GNAI1: variants seen among roughly 807,000 people sequenced by gnomAD.
GNAI1 encodes G protein subunit alpha i1, also known as guanine nucleotide-binding protein G(i) subunit alpha-1.
Under a neutral mutation model 38.9 loss-of-function variants are expected in GNAI1, and 11 were observed. That is an observed-to-expected ratio of 0.28 (90% confidence interval 0.18 to 0.47). The LOEUF (loss-of-function observed/expected upper bound fraction) is 0.47. Ranked by LOEUF, GNAI1 falls within the 20% of genes least tolerant of loss-of-function variation. The pLI is 0.99. For synonymous variants in GNAI1, 166 were observed against 145.1 expected (o/e 1.14, Z -1.04); for missense variants, 317 against 436.9 (o/e 0.73, Z 2.45).
chr7:80,152,504 G>C (rs1055660112), intron 1 of GNAI1, among the ~76,000 whole-genome samples: 5 of 151,784 alleles, frequency 3.3e-5, no homozygotes, highest in Non-Finnish European at 7.4e-5. Context: ...TTACAAAAAC[G>C]GGTTAAAGAA....
intron 3 of GNAI1, among the ~76,000 whole-genome samples, chr7:80,194,645 A>G (rs1462364403): frequency 6.6e-6 from 1 of 152,082 alleles, no homozygotes; most frequent in African/African-American, 2.4e-5. Context: ...GCATGGAGTA[A>G]GGATGCACAT....
At chr7:80,152,781 T>C (rs776356025) in intron 1 of GNAI1, among the ~76,000 whole-genome samples, 5 of 151,854 alleles carry the variant, frequency 3.3e-5, no homozygotes, top group Non-Finnish European at 5.9e-5. Context: ...GCCAGGATGG[T>C]CTCGATCTCC....
chr7:80,156,354 G>A (rs1787818762), intron 1 of GNAI1, among the ~76,000 whole-genome samples: 1 of 152,084 alleles, frequency 6.6e-6, no homozygotes, highest in African/African-American at 2.4e-5. Flanking sequence ...ATTTCCTTTT[G>A]CAAGGTGAAT....
intron 1 of GNAI1, among the ~76,000 whole-genome samples, chr7:80,179,132 T>C (rs573016362): frequency 8.5e-5 from 13 of 152,306 alleles, no homozygotes; most frequent in African/African-American, 2.6e-4. Context: ...AAAATATAAT[T>C]ATTCCATTAA....
intron 1 of GNAI1, among the ~76,000 whole-genome samples, chr7:80,141,460 A>C (rs1368263776): frequency 6.6e-6 from 1 of 152,178 alleles, no homozygotes; most frequent in African/African-American, 2.4e-5. Flanking sequence ...GTTATCATTA[A>C]ATGGAAAGAA....
rs1323859301 is a variant in GNAI1, at chr7:80,223,116, T to C, written c.*5623T>C. On this transcript the variant is annotated 3_prime_UTR_variant, in exon 8 of 8. Coordinates refer to ENST00000649796, the MANE Select transcript of GNAI1 (RefSeq NM_002069.6). The stretch of plus-strand genomic sequence containing the variant: ...TGAATGCATACCAGTTTCGCACCAA[T>C]GTAAAGTTGAAAAATTGTTAAGTTG... Among the ~76,000 whole-genome samples the C allele has an allele frequency of 6.6e-6, 1 of 152,220 alleles. No homozygotes were observed. The highest frequency in any genetic ancestry group is 6.5e-5 in the Admixed American group (1 of 15,280).
chr7:80,177,024 CTTTTTTTTTT>C lies in GNAI1; in HGVS notation c.119-11912_119-11903del, dbSNP rs569135086. On this transcript the variant is annotated intron_variant, in intron 1 of 7. Coordinates refer to ENST00000649796, the MANE Select transcript of GNAI1 (RefSeq NM_002069.6). ...AACAAAAGCATGGATGACAGCATATCTTTTTTTTTTTTTTTTTTTTTTTTGAGATGGAGTT... is the reference window on the plus strand; with the variant it reads ...AACAAAAGCATGGATGACAGCATATCTTTTTTTTTTTTTTGAGATGGAGTT... Among the ~76,000 whole-genome samples the C allele has an allele frequency of 9.8e-5, 6 of 61,178 alleles. No homozygotes were observed. The South Asian group carries it at 2.3e-3, about 23-fold the overall frequency. 40.1% of individuals were successfully genotyped at this position (61,178 alleles called of 152,430 possible). A position where few individuals can be genotyped will look rare whatever the true frequency, so the allele number is the denominator to read the frequency against.
rs541826401 is a variant in GNAI1, at chr7:80,204,503, A to G, written c.590+671A>G. The stretch of plus-strand genomic sequence containing the variant: ...ATATCATATTCAAATTTACAAAACT[A>G]CTTTCCTCTTTTTCCAGTAAATAAC... On this transcript the variant is annotated intron_variant, in intron 5 of 7. Transcript: ENST00000649796. Among the ~76,000 whole-genome samples, 28 of 152,294 alleles carry G rather than the reference A, an allele frequency of 1.8e-4. No homozygotes were observed. The South Asian group carries it at 5.6e-3, about 30-fold the overall frequency.
chr7:80,209,769 C>A (rs1011755215), intron 5 of GNAI1, among the ~76,000 whole-genome samples: 22 of 152,144 alleles, frequency 1.4e-4, no homozygotes, highest in Admixed American at 3.9e-4. Flanking sequence ...CAAATGGTAA[C>A]CCAATTTATA....
chr7:80,165,919 A>G (rs897110519), intron 1 of GNAI1, among the ~76,000 whole-genome samples: 9 of 152,144 alleles, frequency 5.9e-5, no homozygotes, highest in Non-Finnish European at 2.9e-5. Flanking sequence ...TTCGTTGAGA[A>G]CTAAATACAG....
intron 1 of GNAI1, among the ~76,000 whole-genome samples, chr7:80,136,764 G>A (rs1787423596): frequency 6.6e-6 from 1 of 152,164 alleles, no homozygotes; most frequent in African/African-American, 2.4e-5. Context: ...TTGTTTCAGT[G>A]TATTTCTGTG....
chr7:80,201,523 A>G (rs1461859916), intron 4 of GNAI1, among the ~76,000 whole-genome samples: 1 of 152,106 alleles, frequency 6.6e-6, no homozygotes, highest in Non-Finnish European at 1.5e-5. Flanking sequence ...ATTCCAGACC[A>G]TCCTGGCCAA....
intron 3 of GNAI1, among the ~76,000 whole-genome samples, chr7:80,197,110 C>G (rs978108492): frequency 9.2e-5 from 14 of 151,694 alleles, no homozygotes; most frequent in African/African-American, 2.9e-4. Flanking sequence ...CTCCCCCACC[C>G]CATAACCATA....
intron 1 of GNAI1, among the ~76,000 whole-genome samples, chr7:80,161,007 T>C (rs1206180147): frequency 1.3e-5 from 2 of 152,100 alleles, no homozygotes; most frequent in African/African-American, 4.8e-5. Context: ...TGGAAGTAAG[T>C]TAACAGACTT....
chr7:80,204,274 G>A (rs4731273), intron 5 of GNAI1, among the ~76,000 whole-genome samples: 13,903 of 151,880 alleles, frequency 0.092, 815 homozygotes, highest in South Asian at 0.2. Flanking sequence ...TCTTCATAGG[G>A]AACTTACCTT....
intron 1 of GNAI1, among the ~76,000 whole-genome samples, chr7:80,182,860 T>C (rs978208815): frequency 2.6e-5 from 4 of 152,198 alleles, no homozygotes; most frequent in African/African-American, 9.6e-5. Flanking sequence ...CACACATAGC[T>C]TACCCTACCT....
chr7:80,172,923 TG>T, intron 1 of GNAI1, among the ~76,000 whole-genome samples: 1 of 152,150 alleles, frequency 6.6e-6, no homozygotes. Context: ...GTTTATGGAG[TG>T]TGACAGAGAC....
At chr7:80,183,993 A>T (rs1788345631) in intron 1 of GNAI1, among the ~76,000 whole-genome samples, 1 of 152,054 alleles carries the variant, frequency 6.6e-6, no homozygotes, top group South Asian at 2.1e-4. Context: ...CTTTGTCCTC[A>T]GCACAGTCTT....
chr7:80,213,661 T>C (rs992243894), intron 7 of GNAI1, among the ~76,000 whole-genome samples: 2 of 152,110 alleles, frequency 1.3e-5, no homozygotes, highest in Non-Finnish European at 1.5e-5. Flanking sequence ...CTTATAACTT[T>C]TTCATTAAAG....
Sources: allele counts gnomAD v4.1 joint callset (sites outside exome capture counted in the v4.1 genomes callset), GRCh38; gene constraint gnomAD v4.1.1; transcripts MANE v1.5; gene names NCBI Gene and HGNC (gene_info 2026-07-23, HGNC 2026-07-21).